NCOR1: variants seen among roughly 807,000 people sequenced by gnomAD.
The protein encoded by NCOR1 is protein phosphatase 1, regulatory subunit 109.
A neutral mutation model predicts 288.1 loss-of-function variants in NCOR1; 63 were observed. The observed-to-expected ratio is 0.22, with a 90% CI of 0.18 to 0.27. The LOEUF is 0.27. NCOR1 is among the 10% of genes least tolerant of loss of function. NCOR1 has a pLI of 1.00. For synonymous variants in NCOR1, 1,007 were observed against 1,065.9 expected (o/e 0.94, Z 1.08); for missense variants, 2,397 against 3,019.2 (o/e 0.79, Z 4.83).
rs747167188 is a variant in NCOR1 at position 16,061,610 on chromosome 17, T to C, written c.5672A>G (p.Lys1891Arg). 97 of 1,614,128 alleles carry C rather than the reference T, an allele frequency of 6.0e-5. No individual in the cohort carries two copies. Among genetic ancestry groups the C allele is most frequent in the Non-Finnish European group, 8.0e-5 (94 of 1,180,048 alleles). ...LYTSSAFPSGKPQPHSSVVYS... is the reference protein window; with the variant it reads ...LYTSSAFPSGRPQPHSSVVYS... ...AACTACTGAAGAATGAGGCTGGGGC[T>C]TGCCACTTGGAAAGGCTGAAGAAGT... The change falls in exon 37 of 46, where the codon AAG becomes AGG. Residue 1891 changes from lysine to arginine, a missense_variant. Transcript: ENST00000268712.
At chr17:16,110,992 T>C (rs2070009252) in intron 18 of NCOR1, among the ~76,000 whole-genome samples, 2 of 152,226 alleles carry the variant, frequency 1.3e-5, no homozygotes, top group African/African-American at 2.4e-5. Flanking sequence ...TTTTTGAATA[T>C]GAGGTGTTGC....
At chr17:16,087,372 AG>A (rs1342660684) in intron 22 of NCOR1, 2 of 1,286,208 alleles carry the variant, frequency 1.6e-6, no homozygotes, top group Non-Finnish European at 2.1e-6. Flanking sequence ...TATCAAAATA[AG>A]GGAAGAACCC....
At chr17:16,118,169 G>A in intron 17 of NCOR1, 142 bp from the exon 18 acceptor site, 1 of 818,878 alleles carries the variant, frequency 1.2e-6, no homozygotes, top group Middle Eastern at 2.4e-4. Context: ...TATATACTTT[G>A]ATACTTATAA....
At chr17:16,163,623 A>C (rs1240175455) in intron 5 of NCOR1, among the ~76,000 whole-genome samples, 3 of 152,232 alleles carry the variant, frequency 2.0e-5, no homozygotes, top group Non-Finnish European at 4.4e-5. Context: ...TCAAAAATTT[A>C]AACATAGATT....
At chr17:16,208,843 GA>G (rs996408983) in intron 1 of NCOR1, among the ~76,000 whole-genome samples, 24 of 144,028 alleles carry the variant, frequency 1.7e-4, no homozygotes, top group East Asian at 1.2e-3. Context: ...CTGTAAAAAA[GA>G]AAAAAAAAAG....
rs1555667909 is a variant in NCOR1 at position 16,114,160 on chromosome 17, A to ACAAAAAC, written c.2055+3727_2055+3728insGTTTTTG. Among the ~76,000 whole-genome samples, 37 of 106,930 alleles carry ACAAAAAC rather than the reference A, an allele frequency of 3.5e-4. 3 individuals carry two copies. Among genetic ancestry groups the ACAAAAAC allele is most frequent in the South Asian group, 9.3e-4 (3 of 3,224 alleles). 70.2% of individuals were successfully genotyped at this position (106,930 alleles called of 152,430 possible). A position where few individuals can be genotyped will look rare whatever the true frequency, so the allele number is the denominator to read the frequency against. ...GCGGCAGGCAAAAAAAAAAAAAAAA[A>ACAAAAAC]AAAAAAAAACTTGTGCAGGGGAACT... On this transcript the variant is annotated intron_variant, in intron 18 of 45. Transcript: ENST00000268712.
intron 14 of NCOR1, among the ~76,000 whole-genome samples, chr17:16,130,413 C>T (rs766446108): frequency 6.6e-6 from 1 of 151,762 alleles, no homozygotes; most frequent in Non-Finnish European, 1.5e-5. Context: ...AGAGGTCCAC[C>T]CCTTCAAAAG....
intron 4 of NCOR1, among the ~76,000 whole-genome samples, chr17:16,167,058 T>A (rs201260805): frequency 2.0e-4 from 30 of 150,862 alleles, no homozygotes; most frequent in African/African-American, 7.2e-4. Flanking sequence ...TCTCCCACTA[T>A]ATGCATATGA....
At chr17:16,199,757 T>C (rs1424799026) in intron 1 of NCOR1, among the ~76,000 whole-genome samples, 2 of 152,334 alleles carry the variant, frequency 1.3e-5, no homozygotes, top group East Asian at 3.9e-4. Flanking sequence ...GAAAAAATTC[T>C]ACGAATTGTT....
At chr17:16,133,655 T>C (rs2075989450) in intron 14 of NCOR1, among the ~76,000 whole-genome samples, 2 of 152,220 alleles carry the variant, frequency 1.3e-5, no homozygotes, top group African/African-American at 2.4e-5. Context: ...ATCTTTTTCC[T>C]ACACTCCAGA....
At chr17:16,106,403 C>T (rs973729274) in intron 19 of NCOR1, among the ~76,000 whole-genome samples, 6 of 151,262 alleles carry the variant, frequency 4.0e-5, no homozygotes, top group African/African-American at 1.5e-4. Flanking sequence ...CAAGCAGTAG[C>T]CAAACATGAG....
intron 23 of NCOR1, among the ~76,000 whole-genome samples, chr17:16,085,638 G>A (rs1440593982): frequency 2.0e-5 from 3 of 152,164 alleles, no homozygotes; most frequent in African/African-American, 7.2e-5. Context: ...TCCATTCACA[G>A]GAAGTTCTAG....
chr17:16,124,122 T>C (rs1010389148), intron 15 of NCOR1, among the ~76,000 whole-genome samples: 5 of 152,132 alleles, frequency 3.3e-5, no homozygotes, highest in Admixed American at 2.0e-4. Flanking sequence ...AAAATTACAA[T>C]GAGAAGAATA....
At chr17:16,034,558 T>C (rs1230953729) in intron 45 of NCOR1, among the ~76,000 whole-genome samples, 2 of 152,028 alleles carry the variant, frequency 1.3e-5, no homozygotes, top group Non-Finnish European at 2.9e-5. Context: ...CAGTGAGCCA[T>C]GATCATGCCA....
At chr17:16,135,532 TGTACTA>T (rs2076275502) in intron 14 of NCOR1, among the ~76,000 whole-genome samples, 1 of 152,162 alleles carries the variant, frequency 6.6e-6, no homozygotes, top group African/African-American at 2.4e-5. Context: ...AGGTTGCACT[TGTACTA>T]ATGCCACTTC....
rs976557668 is a variant in NCOR1 at position 16,127,099 on chromosome 17, G to C, written c.1510-893C>G. ...ATATACAAATCAAAGTTTATCATAG[G>C]TGTGTGTGTGTATATGTATATATCT... On this transcript the variant is annotated intron_variant, in intron 14 of 45. Coordinates refer to ENST00000268712, the MANE Select transcript of NCOR1 (RefSeq NM_006311.4). 9.5e-5 allele frequency among the ~76,000 whole-genome samples: 10 copies of C among 105,038 alleles called. 1 individual carries two copies. Among genetic ancestry groups the C allele is most frequent in the African/African-American group, 3.0e-4 (9 of 29,718 alleles). The allele number at this position is 105,038 out of a possible 152,430, so 68.9% of individuals were successfully genotyped here. A position where few individuals can be genotyped will look rare whatever the true frequency, so the allele number is the denominator to read the frequency against.
At chr17:16,106,924 G>A (rs867708678) in intron 19 of NCOR1, among the ~76,000 whole-genome samples, 11 of 103,884 alleles carry the variant, frequency 1.1e-4, no homozygotes, top group East Asian at 6.4e-4. Context: ...AGACAGTCTC[G>A]CTCTGTCGCC....
At chr17:16,110,259 G>A (rs902123092) in intron 18 of NCOR1, among the ~76,000 whole-genome samples, 2 of 151,952 alleles carry the variant, frequency 1.3e-5, no homozygotes, top group African/African-American at 4.8e-5. Context: ...AGTAGACTGA[G>A]CCAGGGAGAT....
Position 16,061,708 on chromosome 17 carries a change from T to G in NCOR1, c.5574A>C (p.Ala1858=). The G allele has an allele frequency of 6.2e-7, 1 of 1,614,268 alleles. No homozygotes were observed. The highest frequency in any genetic ancestry group is 8.5e-7 in the Non-Finnish European group (1 of 1,180,036). ...RLEENLRSRS[A]AVSEQQQLEQ... ...CTAGCTGCTGCTGTTCACTAACTGCTGCTGACCTGCTTCTCAAATTTTCTT... is the reference window on the plus strand; with the variant it reads ...CTAGCTGCTGCTGTTCACTAACTGCGGCTGACCTGCTTCTCAAATTTTCTT... Residue 1858 remains alanine, a synonymous_variant, in exon 37 of 46, where the codon GCA becomes GCC. Coordinates refer to ENST00000268712, the MANE Select transcript of NCOR1 (RefSeq NM_006311.4).
Sources: allele counts gnomAD v4.1 joint callset (sites outside exome capture counted in the v4.1 genomes callset), GRCh38; gene constraint gnomAD v4.1.1; transcripts MANE v1.5; gene names NCBI Gene and HGNC (gene_info 2026-07-23, HGNC 2026-07-21).